Variants in SCNN1G observed in about 807,000 individuals in gnomAD.
The protein encoded by SCNN1G is epithelial sodium channel subunit gamma.
A neutral mutation model predicts 64.6 loss-of-function variants in SCNN1G; 27 were observed. The observed-to-expected ratio is 0.42, with a 90% CI of 0.31 to 0.58. SCNN1G has a LOEUF of 0.58. Among genes scored for constraint, SCNN1G ranks in the 20% least tolerant of loss-of-function variants. SCNN1G has a pLI of 0.18. For missense variants in SCNN1G, 743 were observed against 823.4 expected (o/e 0.90, Z 1.19); for synonymous variants, 330 against 314.2 (o/e 1.05, Z -0.53).
In SCNN1G at chr16:23,215,664, G is replaced by GC; in HGVS notation, c.*196dup. On this transcript the variant is annotated 3_prime_UTR_variant, in exon 13 of 13. Coordinates refer to ENST00000300061, the MANE Select transcript of SCNN1G (RefSeq NM_001039.4). ...AGGAGGAGCCATCGGGTACTACGCAGCAACACTCACAACTGTCCAGGCTGA... is the reference window on the plus strand; with the variant it reads ...AGGAGGAGCCATCGGGTACTACGCAGCCAACACTCACAACTGTCCAGGCTGA... 1.6e-6 allele frequency: 1 copy of GC among 641,314 alleles called. No individual in the cohort carries two copies. Among genetic ancestry groups the GC allele is most frequent in the East Asian group, 2.7e-5 (1 of 36,786 alleles). 39.7% of individuals were successfully genotyped at this position (641,314 alleles called of 1,614,324 possible).
Position 23,193,889 on chromosome 16 carries a change from T to C in SCNN1G, c.810-282T>C, listed in dbSNP as rs147344555. Among the ~76,000 whole-genome samples the C allele has an allele frequency of 1.1e-3, 161 of 152,204 alleles. 1 individual carries two copies. The highest frequency in any genetic ancestry group is 3.5e-3 in the East Asian group (18 of 5,172). ...CTGAGAAATTCAAAAGTGGAGGAAT[T>C]TGGGGACAGACATGGCACAAAGAAT... On this transcript the variant is annotated intron_variant, in intron 4 of 12. Transcript: ENST00000300061.
intron 6 of SCNN1G, among the ~76,000 whole-genome samples, chr16:23,207,615 A>ATGTC (rs1410338180): frequency 6.6e-6 from 1 of 152,212 alleles, no homozygotes; most frequent in East Asian, 1.9e-4. Context: ...GTATGAGTCC[A>ATGTC]TGTCTGTCTG....
chr16:23,208,597 C>T (rs1380418424), intron 6 of SCNN1G, among the ~76,000 whole-genome samples: 1 of 151,284 alleles, frequency 6.6e-6, no homozygotes, highest in African/African-American at 2.4e-5. Context: ...CTTCCCTTCC[C>T]TTCCCTTCCC....
At chr16:23,201,418 C>CAAAG (rs1959887087) in intron 6 of SCNN1G, among the ~76,000 whole-genome samples, 2 of 151,964 alleles carry the variant, frequency 1.3e-5, no homozygotes, top group African/African-American at 4.8e-5. Context: ...AGTGGGTAAA[C>CAAAG]AAAGACATGA....
rs147244467 is a variant in SCNN1G, at chr16:23,194,196, A to T, written c.835A>T (p.Met279Leu). Residue 279 changes from methionine (M) to leucine (L), a missense_variant, in exon 5 of 13, where the codon ATG becomes TTG. Met to Leu is a conservative substitution (Grantham distance 15, BLOSUM62 2). Coordinates refer to ENST00000300061, the MANE Select transcript of SCNN1G (RefSeq NM_001039.4). The part of the protein sequence containing the change: ...ARNFTLFHHP[M>L]HGNCYTFNNR... The stretch of plus-strand genomic sequence containing the variant: ...GAATTTCACGCTTTTCCACCACCCG[A>T]TGCATGGGAATTGCTATACTTTCAA... 18 of 1,613,832 alleles carry T rather than the reference A, an allele frequency of 1.1e-5. No homozygotes were observed. In the African/African-American group the frequency reaches 2.3e-4, roughly 20 times the overall value.
chr16:23,186,281 G>A lies in SCNN1G; in HGVS notation c.10G>A (p.Gly4Arg), dbSNP rs1410534453. 2 of 1,614,192 alleles carry A rather than the reference G, an allele frequency of 1.2e-6. No individual in the cohort carries two copies. ...AAGTCCCATCCTCGCCATGGCACCC[G>A]GAGAGAAGATCAAAGCCAAAATCAA... Reference protein sequence around the residue: MAPGEKIKAKIKKN... With the variant: MAPREKIKAKIKKN... Residue 4 changes from glycine to arginine, a missense_variant, in exon 2 of 13, where the codon GGA (glycine) becomes AGA (arginine). Transcript: ENST00000300061.
At chr16:23,188,946 A>T (rs1273650051) in intron 2 of SCNN1G, among the ~76,000 whole-genome samples, 1 of 152,150 alleles carries the variant, frequency 6.6e-6, no homozygotes, top group East Asian at 1.9e-4. Context: ...ATTTGAGGAC[A>T]ATCAGTGGGC....
intron 2 of SCNN1G, 72 bp downstream of exon 2, chr16:23,186,660 G>A: frequency 7.5e-6 from 10 of 1,327,188 alleles, no homozygotes; most frequent in Non-Finnish European, 8.6e-6. Context: ...CCTCCCGAAA[G>A]TGACACACTG....
chr16:23,185,709 C>T lies in SCNN1G; in HGVS notation c.-44-519C>T, dbSNP rs572680517. ...CAGCCAGGAACATGATCTAAGGTGG[C>T]TGCCGGGAAATTTTCTTGGCAGATT... On this transcript the variant is annotated intron_variant, in intron 1 of 12. Coordinates refer to ENST00000300061, the MANE Select transcript of SCNN1G (RefSeq NM_001039.4). 2.6e-5 allele frequency among the ~76,000 whole-genome samples: 4 copies of T among 152,312 alleles called. No individual in the cohort carries two copies. The South Asian group carries it at 8.3e-4, about 32-fold the overall frequency.
At chr16:23,206,023 C>T (rs1023381096) in intron 6 of SCNN1G, among the ~76,000 whole-genome samples, 2 of 152,174 alleles carry the variant, frequency 1.3e-5, no homozygotes, top group East Asian at 3.9e-4. Context: ...GAAATGTACA[C>T]AATGGAAACA....
At chr16:23,197,535 GA>G in intron 6 of SCNN1G, 108 bp downstream of exon 6, 1 of 1,000,558 alleles carries the variant, frequency 1.0e-6, no homozygotes, top group African/African-American at 1.6e-5. Flanking sequence ...TTTCAAAAGG[GA>G]ACATGGTCCC....
rs770679335 is a variant in SCNN1G, at chr16:23,186,485, G to T, written c.214G>T (p.Ala72Ser). Reference protein sequence around the residue: ...TAVALILWQCALLVFSFYTVS... With the variant: ...TAVALILWQCSLLVFSFYTVS... ...CGTGGCCCTCATCCTCTGGCAGTGC[G>T]CCCTCCTCGTCTTCTCCTTCTATAC... Residue 72 changes from alanine to serine, a missense_variant, in exon 2 of 13, where the codon GCC (alanine) becomes TCC (serine). Ala to Ser is a moderately conservative substitution (Grantham distance 99). Transcript: ENST00000300061. The T allele has an allele frequency of 1.2e-6, 2 of 1,613,924 alleles. No individual in the cohort carries two copies. Among genetic ancestry groups the T allele is most frequent in the African/African-American group, 1.3e-5 (1 of 74,954 alleles).
At chr16:23,211,809 C>T (rs556720325) in intron 7 of SCNN1G, among the ~76,000 whole-genome samples, 1 of 152,050 alleles carries the variant, frequency 6.6e-6, no homozygotes, top group Non-Finnish European at 1.5e-5. Flanking sequence ...AAGACTGTCT[C>T]AAAAAACATA....
intron 7 of SCNN1G, among the ~76,000 whole-genome samples, chr16:23,211,750 T>C (rs1960082419): frequency 1.3e-5 from 2 of 152,168 alleles, no homozygotes; most frequent in Admixed American, 1.3e-4. Context: ...AGGCAGAGGT[T>C]GCAGTGAGCT....
chr16:23,190,724 A>T (rs1485147071), intron 3 of SCNN1G, among the ~76,000 whole-genome samples: 1 of 152,144 alleles, frequency 6.6e-6, no homozygotes, highest in Admixed American at 6.5e-5. Flanking sequence ...GGCACCCAAA[A>T]GAAAAAGACG....
At chr16:23,209,233 TC>T (rs1400026631) in intron 6 of SCNN1G, among the ~76,000 whole-genome samples, 2 of 152,068 alleles carry the variant, frequency 1.3e-5, no homozygotes, top group Non-Finnish European at 2.9e-5. Flanking sequence ...GCTCAAGTGA[TC>T]CCCCCATCTC....
intron 7 of SCNN1G, among the ~76,000 whole-genome samples, chr16:23,211,095 A>G (rs4347634): frequency 0.21 from 32,170 of 152,098 alleles, 3,512 homozygotes; most frequent in African/African-American, 0.25. Flanking sequence ...TTTAGTGAGA[A>G]CTACCATGCA....
intron 1 of SCNN1G, among the ~76,000 whole-genome samples, chr16:23,184,553 C>T (rs1009159862): frequency 2.0e-5 from 3 of 151,952 alleles, no homozygotes; most frequent in African/African-American, 7.3e-5. Flanking sequence ...TGATGGTGTT[C>T]TTCATCCCAG....
intron 11 of SCNN1G, among the ~76,000 whole-genome samples, chr16:23,213,371 G>T (rs1404424116): frequency 6.6e-6 from 1 of 150,612 alleles, no homozygotes; most frequent in African/African-American, 2.4e-5. Flanking sequence ...TCCTGCCTCA[G>T]CCTCCTAAGT....
Sources: gnomAD v4.1 joint callset for allele counts (sites outside exome capture counted in the v4.1 genomes callset) on GRCh38, gnomAD v4.1.1 for gene constraint, MANE v1.5 for transcripts, NCBI Gene and HGNC (gene_info 2026-07-23, HGNC 2026-07-21) for gene names.